MAPKAPK5: variants seen among roughly 807,000 people sequenced by gnomAD.
MAPKAPK5 encodes MAPK activated protein kinase 5, also known as MAP kinase-activated protein kinase 5.
MAPKAPK5 carries 30 observed loss-of-function variants against 65.1 expected under a neutral mutation model. The ratio of observed to expected loss-of-function variants is 0.46; its 90% CI spans 0.34 to 0.63. The LOEUF is 0.63. Among genes scored for constraint, MAPKAPK5 ranks in the 20% least tolerant of loss-of-function variants. The pLI is 0.01. For synonymous variants in MAPKAPK5, 179 were observed against 204.6 expected, an observed-to-expected ratio of 0.87 and a Z score of 1.07; for missense variants, 433 against 581.4, an observed-to-expected ratio of 0.74 and a Z score of 2.63.
chr12:111,872,962 A>G (rs1184349663), intron 7 of MAPKAPK5, among the ~76,000 whole-genome samples: 2 of 152,162 alleles, frequency 1.3e-5, no homozygotes, highest in Non-Finnish European at 2.9e-5. Context: ...CCTTCCATAT[A>G]TATATCATGA....
At chr12:111,855,390 G>A (rs2069200737) in intron 1 of MAPKAPK5, among the ~76,000 whole-genome samples, 1 of 152,032 alleles carries the variant, frequency 6.6e-6, no homozygotes, top group Non-Finnish European at 1.5e-5. Flanking sequence ...TTCTAAGGTA[G>A]GCATTTACAG....
rs530648444 is a variant in MAPKAPK5, at chr12:111,901,095, C to A, written c.*8034C>A. ...AATCAATCTCCAACATACAATGATT[C>A]AGGTCCCTCAGGGAGATGGCTCATG... On this transcript the variant is annotated 3_prime_UTR_variant, in exon 14 of 14. Coordinates refer to ENST00000550735, the MANE Select transcript of MAPKAPK5 (RefSeq NM_003668.4). 2.2e-6 allele frequency: 1 copy of A among 455,970 alleles called. No individual in the cohort carries two copies. Among genetic ancestry groups the A allele is most frequent in the Non-Finnish European group, 4.4e-6 (1 of 226,814 alleles). The allele number at this position is 455,970 out of a possible 1,614,324, so 28.2% of individuals were successfully genotyped here. A position where few individuals can be genotyped will look rare whatever the true frequency, so the allele number is the denominator to read the frequency against.
At chr12:111,859,258 T>A (rs1358919739) in intron 1 of MAPKAPK5, among the ~76,000 whole-genome samples, 1 of 148,674 alleles carries the variant, frequency 6.7e-6, no homozygotes, top group African/African-American at 2.5e-5. Context: ...TTTGGTGTGC[T>A]AATGTCTCTG....
In MAPKAPK5 at chr12:111,842,877, G is replaced by A. The variant is rs981301510; in HGVS notation, c.36+108G>A. ...GCAGTGAGAGGTTCCATCGACTACCGGGTTTCGGCCTCCCCCGGATTCCGT... is the reference window on the plus strand; with the variant it reads ...GCAGTGAGAGGTTCCATCGACTACCAGGTTTCGGCCTCCCCCGGATTCCGT... On this transcript the variant is annotated intron_variant, in intron 1 of 13. Coordinates refer to ENST00000550735, the MANE Select transcript of MAPKAPK5 (RefSeq NM_003668.4). 86 of 1,117,656 alleles carry A rather than the reference G, an allele frequency of 7.7e-5. No homozygotes were observed. In the African/African-American group the frequency reaches 1.3e-3, roughly 17 times the overall value. 69.2% of individuals were successfully genotyped at this position (1,117,656 alleles called of 1,614,324 possible).
At chr12:111,862,212 C>T (rs938481780) in intron 1 of MAPKAPK5, among the ~76,000 whole-genome samples, 1 of 152,020 alleles carries the variant, frequency 6.6e-6, no homozygotes, top group African/African-American at 2.4e-5. Flanking sequence ...GTTTATGGCA[C>T]CATCAACAAA....
At chr12:111,846,167 T>C (rs1232897550) in intron 1 of MAPKAPK5, among the ~76,000 whole-genome samples, 1 of 152,202 alleles carries the variant, frequency 6.6e-6, no homozygotes, top group African/African-American at 2.4e-5. Context: ...ATGTACTGCT[T>C]TGGAAGCAAG....
intron 1 of MAPKAPK5, among the ~76,000 whole-genome samples, chr12:111,864,547 T>A (rs1421354164): frequency 6.6e-6 from 1 of 152,178 alleles, no homozygotes; most frequent in Non-Finnish European, 1.5e-5. Context: ...AATTAAATTC[T>A]TTTTTATCTA....
intron 7 of MAPKAPK5, among the ~76,000 whole-genome samples, chr12:111,878,259 A>G (rs1332022021): frequency 1.3e-5 from 2 of 151,976 alleles, no homozygotes; most frequent in African/African-American, 4.8e-5. Context: ...GTTTTCTTCT[A>G]GAAGTTTTAT....
rs2070829830 is a variant in MAPKAPK5 at position 111,896,618 on chromosome 12, A to T, written c.*3557A>T. ...AAACACCTATACCTGTGGAAACATA[A>T]CACTGTAAATATAATTCTTATAAAG... is the stretch of plus-strand genomic sequence containing the variant. On this transcript the variant is annotated 3_prime_UTR_variant, in exon 14 of 14. Transcript: ENST00000550735. 6.6e-6 allele frequency: 1 copy of T among 152,192 alleles called. No individual in the cohort carries two copies. The highest frequency in any genetic ancestry group is 2.1e-4 in the South Asian group (1 of 4,822). 9.4% of individuals were successfully genotyped at this position (152,192 alleles called of 1,614,324 possible). A position where few individuals can be genotyped will look rare whatever the true frequency, so the allele number is the denominator to read the frequency against.
At chr12:111,868,227 G>T (rs1400093926) in intron 4 of MAPKAPK5, among the ~76,000 whole-genome samples, 1 of 152,170 alleles carries the variant, frequency 6.6e-6, no homozygotes, top group African/African-American at 2.4e-5. Context: ...ATTAAATAAG[G>T]TATGGTTTTT....
intron 1 of MAPKAPK5, among the ~76,000 whole-genome samples, chr12:111,848,755 A>G (rs1057128047): frequency 2.0e-5 from 3 of 151,498 alleles, no homozygotes. Context: ...TTTGAGATGG[A>G]GTCTCGCTTT....
intron 2 of MAPKAPK5, among the ~76,000 whole-genome samples, chr12:111,865,857 A>AC (rs2069587517): frequency 6.6e-6 from 1 of 150,608 alleles, no homozygotes; most frequent in South Asian, 2.1e-4. Context: ...AAAAAAAAAA[A>AC]AGGGTGTCGA....
intron 1 of MAPKAPK5, among the ~76,000 whole-genome samples, chr12:111,851,009 C>T (rs2069064194): frequency 2.0e-5 from 3 of 151,724 alleles, no homozygotes; most frequent in Admixed American, 2.0e-4. Flanking sequence ...CACCATTCTC[C>T]TGCCTCAGCC....
At chr12:111,884,190 AC>A (rs2070329870) in intron 9 of MAPKAPK5, among the ~76,000 whole-genome samples, 2 of 152,030 alleles carry the variant, frequency 1.3e-5, no homozygotes, top group South Asian at 4.2e-4. Context: ...TCAGGCCTGG[AC>A]CCCACCCTCC....
intron 7 of MAPKAPK5, among the ~76,000 whole-genome samples, chr12:111,878,826 A>G (rs1203148089): frequency 6.6e-6 from 1 of 152,166 alleles, no homozygotes; most frequent in African/African-American, 2.4e-5. Flanking sequence ...CATGGAGCAT[A>G]TATGTGTGAA....
chr12:111,842,795 C>G (rs758468276), intron 1 of MAPKAPK5, 26 bp downstream of exon 1: 1 of 1,310,616 alleles, frequency 7.6e-7, no homozygotes, highest in Non-Finnish European at 9.8e-7. Flanking sequence ...CCCCTCTTCC[C>G]CCGCGTTGTC....
In MAPKAPK5 at chr12:111,896,005, T is replaced by C. The variant is rs2070798675; in HGVS notation, c.*2944T>C. On this transcript the variant is annotated 3_prime_UTR_variant, in exon 14 of 14. Transcript: ENST00000550735. ...CAGTTAGGAATACTGCACTTGTTTG[T>C]GTAATATTAGAACAACTGTAGTTTT... 1 of 152,208 alleles carries C rather than the reference T, an allele frequency of 6.6e-6. No individual in the cohort carries two copies. The highest frequency in any genetic ancestry group is 2.4e-5 in the African/African-American group (1 of 41,448). The allele number at this position is 152,208 out of a possible 1,614,324, so 9.4% of individuals were successfully genotyped here. A position where few individuals can be genotyped will look rare whatever the true frequency, so the allele number is the denominator to read the frequency against.
At position 111,901,140 on chromosome 12, in the gene MAPKAPK5, A is replaced by G; in HGVS notation, c.*8079A>G. 1 of 456,110 alleles carries G rather than the reference A, an allele frequency of 2.2e-6. No individual in the cohort carries two copies. The highest frequency in any genetic ancestry group is 4.4e-6 in the Non-Finnish European group (1 of 226,810). The allele number at this position is 456,110 out of a possible 1,614,324, so 28.3% of individuals were successfully genotyped here. On this transcript the variant is annotated 3_prime_UTR_variant, in exon 14 of 14. Coordinates refer to ENST00000550735, the MANE Select transcript of MAPKAPK5 (RefSeq NM_003668.4). ...CTCATGTTGGAGCATGGATGCCTAT[A>G]TGAGTACTGACATTCCTGATGAAGG...
In MAPKAPK5 at chr12:111,870,330, T is replaced by C. The variant is rs1206569671; in HGVS notation, c.453T>C (p.Pro151=). Reference sequence around the variant, plus strand: ...ACATTGCGCACAGAGACCTCAAGCCTGAAAATCTGCTTTTTAAGGATAACT... The same window carrying C: ...ACATTGCGCACAGAGACCTCAAGCCCGAAAATCTGCTTTTTAAGGATAACT... The part of the protein sequence containing the change: ...LLNIAHRDLK[P]ENLLFKDNSL... The change falls in exon 6 of 14, where the codon CCT becomes CCC. Residue 151 remains proline (P), a synonymous_variant. Coordinates refer to ENST00000550735, the MANE Select transcript of MAPKAPK5 (RefSeq NM_003668.4). 7 of 1,610,410 alleles carry C rather than the reference T, an allele frequency of 4.3e-6. No individual in the cohort carries two copies. The highest frequency in any genetic ancestry group is 5.9e-6 in the Non-Finnish European group (7 of 1,177,116).
Sources: allele counts gnomAD v4.1 joint callset (sites outside exome capture counted in the v4.1 genomes callset), GRCh38; gene constraint gnomAD v4.1.1; transcripts MANE v1.5; gene names NCBI Gene and HGNC (gene_info 2026-07-23, HGNC 2026-07-21).